ANKRD30BL: variants seen among roughly 807,000 people sequenced by gnomAD.
The protein encoded by ANKRD30BL is ankyrin repeat domain 30B like.
In ANKRD30BL, 20 loss-of-function variants were observed where a neutral mutation model predicts 18.4. The ratio of observed to expected loss-of-function variants is 1.09; its 90% confidence interval spans 0.77 to 1.58. The LOEUF (loss-of-function observed/expected upper bound fraction) is 1.58. Ranked by LOEUF, ANKRD30BL falls within the 40% of genes most tolerant of loss-of-function variation. The pLI, the probability that ANKRD30BL is intolerant of heterozygous loss-of-function variation, is 0.00. For synonymous variants in ANKRD30BL, 72 were observed against 100.9 expected (o/e 0.71, Z 1.72); for missense variants, 224 against 268.6 (o/e 0.83, Z 1.16).
intron 1 of ANKRD30BL, among the ~76,000 whole-genome samples, chr2:132,226,793 A>C (rs1283066226): frequency 6.6e-6 from 1 of 152,096 alleles, no homozygotes; most frequent in East Asian, 1.9e-4. Flanking sequence ...GAATTATGGA[A>C]AAACTCTTTT....
intron 1 of ANKRD30BL, among the ~76,000 whole-genome samples, chr2:132,208,573 C>A (rs1679255325): frequency 6.6e-6 from 1 of 152,158 alleles, no homozygotes; most frequent in South Asian, 2.1e-4. Flanking sequence ...ACTTCTACAG[C>A]TAAATAGTGA....
At chr2:132,233,099 A>G (rs1304357873) in intron 1 of ANKRD30BL, among the ~76,000 whole-genome samples, 7 of 151,800 alleles carry the variant, frequency 4.6e-5, no homozygotes, top group Non-Finnish European at 7.4e-5. Context: ...TTCATAAGTG[A>G]AGGAGAAATA....
rs1419392784 is a variant in ANKRD30BL at position 132,213,956 on chromosome 2, C to T, written n.441+43573G>A. On this transcript the variant is annotated intron_variant and non_coding_transcript_variant, in intron 1 of 4. Transcript: ENST00000470729. ...AATCTGTAAATGGACATTTGGAGTA[C>T]TTTGAGGGTGATGGTCAATAACGAA... is the stretch of plus-strand genomic sequence containing the variant. Among the ~76,000 whole-genome samples the T allele has an allele frequency of 2.6e-5, 4 of 151,622 alleles. No homozygotes were observed. The South Asian group carries it at 8.3e-4, about 31-fold the overall frequency.
At chr2:132,164,945 G>A (rs1460023223), upstream of ANKRD30BL, among the ~76,000 whole-genome samples, 2 of 151,972 alleles carry the variant, frequency 1.3e-5, no homozygotes, top group African/African-American at 4.8e-5. Flanking sequence ...GTGGTGGCAG[G>A]CACCTGTAGT....
chr2:132,174,567 T>C (rs1688331134), intron 1 of ANKRD30BL, among the ~76,000 whole-genome samples: 1 of 152,016 alleles, frequency 6.6e-6, no homozygotes, highest in South Asian at 2.1e-4. Context: ...CTCCTCTAAA[T>C]GAAAGCACAT....
At chr2:132,184,756 T>C (rs1688534993) in intron 1 of ANKRD30BL, among the ~76,000 whole-genome samples, 1 of 152,006 alleles carries the variant, frequency 6.6e-6, no homozygotes, top group Non-Finnish European at 1.5e-5. Flanking sequence ...AATTCAGGGA[T>C]TCCCCCCTAA....
At chr2:132,194,436 T>C (rs528308388) in intron 1 of ANKRD30BL, among the ~76,000 whole-genome samples, 3 of 152,248 alleles carry the variant, frequency 2.0e-5, no homozygotes, top group Non-Finnish European at 4.4e-5. Context: ...TCTACACTTG[T>C]GCAGCAGTCA....
chr2:132,151,179 T>C lies in ANKRD30BL; in HGVS notation c.615-203A>G, dbSNP rs537670594. On this transcript the variant is annotated intron_variant, in intron 4 of 5. Coordinates refer to ENST00000409867, the MANE Select transcript of ANKRD30BL (RefSeq NM_001358416.1). ...AGAAGAAAGAAAGATAAAACACTCATGAAGTGAGGGCAGTATAACTCAGTA... is the reference window on the plus strand; with the variant it reads ...AGAAGAAAGAAAGATAAAACACTCACGAAGTGAGGGCAGTATAACTCAGTA... Among the ~76,000 whole-genome samples, 4 of 152,240 alleles carry C rather than the reference T, an allele frequency of 2.6e-5. No homozygotes were observed. The South Asian group carries it at 8.3e-4, about 32-fold the overall frequency.
intron 1 of ANKRD30BL, among the ~76,000 whole-genome samples, chr2:132,179,157 T>C (rs1688414900): frequency 6.6e-6 from 1 of 152,198 alleles, no homozygotes; most frequent in African/African-American, 2.4e-5. Context: ...ATGTCTGTGC[T>C]GATGCTGGTG....
chr2:132,196,743 G>C (rs868436868), intron 1 of ANKRD30BL, among the ~76,000 whole-genome samples: 92 of 151,790 alleles, frequency 6.1e-4, no homozygotes, highest in Admixed American at 1.2e-3. Context: ...GGAGTAGGAG[G>C]TTGCAGTGAA....
intron 1 of ANKRD30BL, among the ~76,000 whole-genome samples, chr2:132,223,652 A>G (rs1679760484): frequency 6.6e-6 from 1 of 151,930 alleles, no homozygotes; most frequent in Non-Finnish European, 1.5e-5. Context: ...AAGCATTCTC[A>G]GAAACTTCCT....
At chr2:132,217,519 TAGAGC>T (rs1679540796) in intron 1 of ANKRD30BL, among the ~76,000 whole-genome samples, 1 of 152,092 alleles carries the variant, frequency 6.6e-6, no homozygotes, top group Admixed American at 6.6e-5. Context: ...TACTTTATCA[TAGAGC>T]AGTTTTGACA....
chr2:132,201,384 G>T (rs558884777), intron 1 of ANKRD30BL, among the ~76,000 whole-genome samples: 1 of 151,902 alleles, frequency 6.6e-6, no homozygotes, highest in Non-Finnish European at 1.5e-5. Context: ...GAAAATTTTC[G>T]CAACCTACTC....
In ANKRD30BL at chr2:132,147,848, G is replaced by C; in HGVS notation, c.*283C>G. 1 of 373,426 alleles carries C rather than the reference G, an allele frequency of 2.7e-6. No homozygotes were observed. Among genetic ancestry groups the C allele is most frequent in the Non-Finnish European group, 5.1e-6 (1 of 196,344 alleles). The allele number at this position is 373,426 out of a possible 1,614,324, so 23.1% of individuals were successfully genotyped here. ...AGCGGGAAAGACAGTTACAGAGCAG[G>C]TGTCTAAGGATGACTAAGGACAGAG... On this transcript the variant is annotated 3_prime_UTR_variant, in exon 6 of 6. Transcript: ENST00000409867.
chr2:132,255,284 C>T (rs1680798792), intron 1 of ANKRD30BL, among the ~76,000 whole-genome samples: 1 of 152,096 alleles, frequency 6.6e-6, no homozygotes, highest in African/African-American at 2.4e-5. Context: ...CCCGGCCGTC[C>T]CTCTTAATCA....
At chr2:132,176,173 C>T (rs1480292540) in intron 1 of ANKRD30BL, among the ~76,000 whole-genome samples, 1 of 152,104 alleles carries the variant, frequency 6.6e-6, no homozygotes, top group Non-Finnish European at 1.5e-5. Context: ...GCGGGCAGAT[C>T]ACTTGAGGTC....
chr2:132,214,782 G>A (rs919847173), intron 1 of ANKRD30BL, among the ~76,000 whole-genome samples: 2 of 150,944 alleles, frequency 1.3e-5, no homozygotes, highest in Admixed American at 1.3e-4. Context: ...CTCTCTTTTT[G>A]TTGATCTGCA....
chr2:132,181,140 T>C (rs1688453106), intron 1 of ANKRD30BL, among the ~76,000 whole-genome samples: 1 of 151,040 alleles, frequency 6.6e-6, no homozygotes, highest in Non-Finnish European at 1.5e-5. Context: ...CAAGACTCCG[T>C]CTCAAAAAAA....
intron 1 of ANKRD30BL, among the ~76,000 whole-genome samples, chr2:132,212,360 C>T (rs1679378643): frequency 6.6e-6 from 1 of 151,910 alleles, no homozygotes; most frequent in Admixed American, 6.6e-5. Context: ...GCATGCATCT[C>T]ACAGAGTTGA....
Sources: allele counts gnomAD v4.1 joint callset (sites outside exome capture counted in the v4.1 genomes callset), GRCh38; gene constraint gnomAD v4.1.1; transcripts MANE v1.5; gene names NCBI Gene and HGNC (gene_info 2026-07-23, HGNC 2026-07-21).